Variants in CTNND2 observed in about 807,000 individuals in gnomAD.
The protein encoded by CTNND2 is catenin delta-2.
CTNND2 carries 22 observed loss-of-function variants against 144.4 expected under a neutral mutation model. The observed-to-expected ratio is 0.15, with a 90% CI of 0.11 to 0.22. CTNND2 has a LOEUF of 0.22. Among genes scored for constraint, CTNND2 ranks in the 10% least tolerant of loss-of-function variants. CTNND2 has a pLI of 1.00. For missense variants in CTNND2, 1,353 were observed against 1,618.8 expected (o/e 0.84, Z 2.82); for synonymous variants, 751 against 695.6 (o/e 1.08, Z -1.25).
intron 3 of CTNND2, among the ~76,000 whole-genome samples, chr5:11,560,870 G>T (rs1776628094): frequency 6.6e-6 from 1 of 152,238 alleles, no homozygotes; most frequent in African/African-American, 2.4e-5. Context: ...CACAGACATG[G>T]TTCTGGTTTA....
At chr5:11,759,139 T>A (rs1247783344) in intron 1 of CTNND2, among the ~76,000 whole-genome samples, 2 of 152,044 alleles carry the variant, frequency 1.3e-5, no homozygotes, top group East Asian at 3.9e-4. Context: ...TGATTGGTCT[T>A]TTTGGAGGGA....
chr5:10,983,589 G>A (rs1737566977), intron 20 of CTNND2, among the ~76,000 whole-genome samples: 1 of 152,158 alleles, frequency 6.6e-6, no homozygotes, highest in Admixed American at 6.5e-5. Context: ...AGACCATTCT[G>A]TTATCCTCTC....
chr5:11,745,013 T>C (rs570451392), intron 1 of CTNND2, among the ~76,000 whole-genome samples: 166 of 152,292 alleles, frequency 1.1e-3, no homozygotes, highest in Middle Eastern at 0.01. Context: ...ATTACAGGCA[T>C]GAGCCACCAT....
Position 11,825,271 on chromosome 5 carries a change from A to G in CTNND2, c.37+78546T>C, listed in dbSNP as rs551760381. On this transcript the variant is annotated intron_variant, in intron 1 of 21. Transcript: ENST00000304623. Reference sequence around the variant, plus strand: ...AAGCAAAGAAATAAAACTATAAGTAAAGAATGAAACACTTATGAAAAATGT... The same window carrying G: ...AAGCAAAGAAATAAAACTATAAGTAGAGAATGAAACACTTATGAAAAATGT... Among the ~76,000 whole-genome samples the G allele has an allele frequency of 5.9e-5, 9 of 152,342 alleles. No individual in the cohort carries two copies. In the South Asian group the frequency reaches 1.9e-3, roughly 32 times the overall value.
intron 3 of CTNND2, among the ~76,000 whole-genome samples, chr5:11,547,312 TAAATAAATAA>T (rs1296252037): frequency 1.9e-5 from 2 of 105,956 alleles, no homozygotes; most frequent in East Asian, 5.4e-4. Context: ...AATAAATAAA[TAAATAAATAA>T]AGTAAAAAGA....
chr5:11,895,193 A>G (rs1437339584), intron 1 of CTNND2, among the ~76,000 whole-genome samples: 6 of 152,188 alleles, frequency 3.9e-5, no homozygotes, highest in Non-Finnish European at 7.4e-5. Flanking sequence ...CCGGACTGCC[A>G]CAAACACCTT....
At chr5:11,776,240 C>G (rs1232045147) in intron 1 of CTNND2, among the ~76,000 whole-genome samples, 1 of 152,130 alleles carries the variant, frequency 6.6e-6, no homozygotes, top group Non-Finnish European at 1.5e-5. Context: ...TCACAGAGGA[C>G]TTCAGGCAGA....
At chr5:11,502,828 A>G (rs572486103) in intron 3 of CTNND2, among the ~76,000 whole-genome samples, 1 of 152,322 alleles carries the variant, frequency 6.6e-6, no homozygotes, top group South Asian at 2.1e-4. Context: ...TAAAGAAAAC[A>G]CTATGAAAGA....
chr5:11,657,666 G>C (rs567883726), intron 2 of CTNND2, among the ~76,000 whole-genome samples: 1 of 152,232 alleles, frequency 6.6e-6, no homozygotes, highest in South Asian at 2.1e-4. Context: ...CAATTTTTCA[G>C]ATTAGTATGC....
intron 7 of CTNND2, among the ~76,000 whole-genome samples, chr5:11,368,278 C>T (rs1757159031): frequency 1.3e-5 from 2 of 152,200 alleles, no homozygotes; most frequent in Admixed American, 1.3e-4. Flanking sequence ...TGTATAAGAA[C>T]TACCACATAT....
chr5:11,482,131 G>A (rs916369942), intron 3 of CTNND2, among the ~76,000 whole-genome samples: 3 of 152,080 alleles, frequency 2.0e-5, no homozygotes, highest in Non-Finnish European at 2.9e-5. Context: ...TGATTATGCC[G>A]TGGACACTAT....
chr5:11,363,345 C>A (rs1756651631), intron 8 of CTNND2, among the ~76,000 whole-genome samples: 1 of 152,092 alleles, frequency 6.6e-6, no homozygotes, highest in South Asian at 2.1e-4. Context: ...TCAACATAAT[C>A]TCTTTTGTCA....
At position 11,384,725 on chromosome 5, in the gene CTNND2, T is replaced by C; in HGVS notation, c.1117A>G (p.Ser373Gly). The C allele has an allele frequency of 2.5e-6, 4 of 1,612,420 alleles. No individual in the cohort carries two copies. The highest frequency in any genetic ancestry group is 3.4e-6 in the Non-Finnish European group (4 of 1,179,634). ...GCATACAGCTCCTGCGAGTGCTTGC[T>C]GTACTGCTCGGACGCGTGGACCAGG... is the stretch of plus-strand genomic sequence containing the variant. Reference protein sequence around the residue: ...KRLVHASEQYSKHSQELYATA... With the variant: ...KRLVHASEQYGKHSQELYATA... The change falls in exon 7 of 22, where the codon AGC becomes GGC. Residue 373 changes from serine to glycine, a missense_variant. Ser to Gly is a moderately conservative substitution (Grantham distance 56). Coordinates refer to ENST00000304623, the MANE Select transcript of CTNND2 (RefSeq NM_001332.4). The surrounding 1 kb of genome is among the most constrained non-coding windows in gnomAD (Gnocchi z 5.2).
At chr5:11,497,441 C>T (rs1770062477) in intron 3 of CTNND2, among the ~76,000 whole-genome samples, 1 of 134,614 alleles carries the variant, frequency 7.4e-6, no homozygotes, top group Admixed American at 9.1e-5. Context: ...TCATGAAGAC[C>T]ACTTTGAGAG....
At chr5:11,772,647 T>C (rs1790011585) in intron 1 of CTNND2, among the ~76,000 whole-genome samples, 1 of 152,206 alleles carries the variant, frequency 6.6e-6, no homozygotes, top group Non-Finnish European at 1.5e-5. Flanking sequence ...TCCCTTTTAA[T>C]TTCAGAGGAG....
At chr5:11,260,697 G>T (rs991936182) in intron 9 of CTNND2, among the ~76,000 whole-genome samples, 1 of 151,976 alleles carries the variant, frequency 6.6e-6, no homozygotes, top group Non-Finnish European at 1.5e-5. Context: ...CCACTCAAAG[G>T]TCCCACCTCT....
At chr5:11,752,917 G>T (rs531404683) in intron 1 of CTNND2, among the ~76,000 whole-genome samples, 1 of 151,806 alleles carries the variant, frequency 6.6e-6, no homozygotes, top group African/African-American at 2.4e-5. Flanking sequence ...TGCATTCCTA[G>T]GTATTTTGCA....
intron 7 of CTNND2, among the ~76,000 whole-genome samples, chr5:11,381,495 C>T (rs577152586): frequency 5.3e-5 from 8 of 152,188 alleles, no homozygotes; most frequent in Non-Finnish European, 1.0e-4. Flanking sequence ...TGCTACTCAG[C>T]AAACATATCA....
At chr5:11,233,746 GTA>G (rs58586063) in intron 10 of CTNND2, among the ~76,000 whole-genome samples, 37 of 141,038 alleles carry the variant, frequency 2.6e-4, no homozygotes, top group East Asian at 4.3e-4. Flanking sequence ...GTGTGTGTGT[GTA>G]TGTGTATATG....
Sources: allele counts gnomAD v4.1 joint callset (sites outside exome capture counted in the v4.1 genomes callset), GRCh38; gene constraint gnomAD v4.1.1; non-coding constraint Gnocchi (gnomAD v3.1); transcripts MANE v1.5; gene names NCBI Gene and HGNC (gene_info 2026-07-23, HGNC 2026-07-21).